Variants in ADCY1 observed in about 807,000 individuals in gnomAD.
ADCY1 encodes the protein adenylate cyclase type 1.
In ADCY1, 28 loss-of-function variants were observed where a neutral mutation model predicts 105.4. That is an observed-to-expected ratio of 0.27 (90% CI 0.20 to 0.36). The LOEUF is 0.36. Among genes scored for constraint, ADCY1 ranks in the 10% least tolerant of loss-of-function variants. The pLI, the probability that ADCY1 is intolerant of heterozygous loss-of-function variation, is 1.00. For synonymous variants in ADCY1, 655 were observed against 623.8 expected (o/e 1.05, Z -0.75); for missense variants, 977 against 1,434.2 (o/e 0.68, Z 5.15).
Position 45,675,699 on chromosome 7 carries a change from G to A in ADCY1, c.1606-2170G>A, listed in dbSNP as rs757540085. The stretch of plus-strand genomic sequence containing the variant: ...TTCCCACTTTTTTCTGGCTTCCATG[G>A]TTTCTGAAGAAATGATGCTATCATT... On this transcript the variant is annotated intron_variant, in intron 8 of 19. Coordinates refer to ENST00000297323, the MANE Select transcript of ADCY1 (RefSeq NM_021116.4). Among the ~76,000 whole-genome samples the A allele has an allele frequency of 5.9e-5, 9 of 151,868 alleles. No homozygotes were observed. In the South Asian group the frequency reaches 8.3e-4, roughly 14 times the overall value.
intron 14 of ADCY1, among the ~76,000 whole-genome samples, chr7:45,702,400 G>T (rs932656127): frequency 2.0e-5 from 3 of 152,242 alleles, no homozygotes; most frequent in Non-Finnish European, 4.4e-5. Flanking sequence ...TGAACCAGGG[G>T]AGCTGGCTTC....
At position 45,622,758 on chromosome 7, in the gene ADCY1, T is replaced by C; in HGVS notation, c.1020+15T>C. The stretch of plus-strand genomic sequence containing the variant: ...AATTAGCCACGGTAAGTGCAGCGTT[T>C]TTCTTTGTTCGAATTAAATTAGAAT... On this transcript the variant is annotated intron_variant, in intron 4 of 19. Transcript: ENST00000297323. 2 of 1,600,500 alleles carry C rather than the reference T, an allele frequency of 1.2e-6. No individual in the cohort carries two copies. Among genetic ancestry groups the C allele is most frequent in the Non-Finnish European group, 1.7e-6 (2 of 1,171,318 alleles).
chr7:45,635,063 C>T (rs1794361980), intron 4 of ADCY1, among the ~76,000 whole-genome samples: 1 of 150,700 alleles, frequency 6.6e-6, no homozygotes, highest in Non-Finnish European at 1.5e-5. Flanking sequence ...GTGAATCCAT[C>T]TGGACCTGAT....
intron 8 of ADCY1, among the ~76,000 whole-genome samples, chr7:45,670,700 G>C (rs1394737376): frequency 6.6e-6 from 1 of 151,866 alleles, no homozygotes; most frequent in African/African-American, 2.4e-5. Flanking sequence ...CTGACCACAG[G>C]GAGGATCTGT....
At chr7:45,700,320 C>T (rs973603451) in intron 14 of ADCY1, among the ~76,000 whole-genome samples, 1 of 152,184 alleles carries the variant, frequency 6.6e-6, no homozygotes, top group Non-Finnish European at 1.5e-5. Flanking sequence ...TTCGTCCCGT[C>T]GGTGGCATGG....
At chr7:45,657,620 C>G in intron 5 of ADCY1, 107 bp from the exon 6 acceptor site, 6 of 1,230,450 alleles carry the variant, frequency 4.9e-6, no homozygotes, top group Non-Finnish European at 6.8e-6. Flanking sequence ...GCAGCAAGGA[C>G]AAGACCCAGT....
intron 14 of ADCY1, among the ~76,000 whole-genome samples, chr7:45,696,946 T>C (rs557130972): frequency 6.6e-6 from 1 of 152,274 alleles, no homozygotes; most frequent in African/African-American, 2.4e-5. Flanking sequence ...AAAGGAGTAA[T>C]TTATTCTAAT....
At chr7:45,634,899 A>C (rs1292544024) in intron 4 of ADCY1, among the ~76,000 whole-genome samples, 1 of 152,190 alleles carries the variant, frequency 6.6e-6, no homozygotes, top group Admixed American at 6.5e-5. Flanking sequence ...TTACTTAAAG[A>C]TATTAGTCTG....
At chr7:45,650,446 T>C (rs553498191) in intron 5 of ADCY1, among the ~76,000 whole-genome samples, 1 of 152,284 alleles carries the variant, frequency 6.6e-6, no homozygotes, top group South Asian at 2.1e-4. Context: ...AGGTGGATGC[T>C]TTAAGGAGAC....
Position 45,707,586 on chromosome 7 carries a change from C to T in ADCY1, c.2818-764C>T, listed in dbSNP as rs541218484. On this transcript the variant is annotated intron_variant, in intron 17 of 19. Transcript: ENST00000297323. ...GGCAGTGAAACTGTTGTATGTAATA[C>T]TGTCATAGTGGATAAATGTCATGCA... Among the ~76,000 whole-genome samples the T allele has an allele frequency of 1.3e-5, 2 of 152,294 alleles. 1 individual carries two copies. The highest frequency in any genetic ancestry group is 4.1e-4 in the South Asian group (2 of 4,826).
At chr7:45,645,878 T>C (rs1342899143) in intron 4 of ADCY1, among the ~76,000 whole-genome samples, 2 of 151,442 alleles carry the variant, frequency 1.3e-5, no homozygotes, top group Non-Finnish European at 2.9e-5. Context: ...GTGGCTCTTG[T>C]GGGCTCCCAG....
intron 19 of ADCY1, among the ~76,000 whole-genome samples, chr7:45,712,018 T>A (rs1258273145): frequency 8.9e-6 from 1 of 112,262 alleles, no homozygotes; most frequent in African/African-American, 4.0e-5. Context: ...ATATATATTT[T>A]ATATATTATA....
At chr7:45,610,757 TGTA>T (rs879009935) in intron 3 of ADCY1, among the ~76,000 whole-genome samples, 2 of 20,066 alleles carry the variant, frequency 1.0e-4, no homozygotes, top group Non-Finnish European at 2.1e-4. Flanking sequence ...ATGATGGAGG[TGTA>T]GAGGTGATAG....
chr7:45,671,822 T>C (rs183091074), intron 8 of ADCY1, among the ~76,000 whole-genome samples: 4 of 152,296 alleles, frequency 2.6e-5, no homozygotes, highest in Non-Finnish European at 4.4e-5. Flanking sequence ...CATGGTATAT[T>C]CTAGAAACGA....
chr7:45,591,003 T>G lies in ADCY1; in HGVS notation c.640-1756T>G, dbSNP rs1792900124. Among the ~76,000 whole-genome samples the G allele has an allele frequency of 6.6e-6, 1 of 152,206 alleles. No individual in the cohort carries two copies. The highest frequency in any genetic ancestry group is 1.5e-5 in the Non-Finnish European group (1 of 68,028). ...TGTCAGGCAGAGGATGGCTGTCAGCTGGAGCCCTGCAGATTCGTGTTCCTT... is the reference window on the plus strand; with the variant it reads ...TGTCAGGCAGAGGATGGCTGTCAGCGGGAGCCCTGCAGATTCGTGTTCCTT... On this transcript the variant is annotated intron_variant, in intron 1 of 19. Coordinates refer to ENST00000297323, the MANE Select transcript of ADCY1 (RefSeq NM_021116.4). This position sits in a 1 kb window ranked among gnomAD's most constrained non-coding sequence, Gnocchi z 4.1.
rs760880881 is a variant in ADCY1 at position 45,686,541 on chromosome 7, C to A, written c.2328-6C>A. On this transcript the variant is annotated splice_polypyrimidine_tract_variant and splice_region_variant and intron_variant, in intron 13 of 19. Transcript: ENST00000297323. The surrounding 1 kb of genome is among the most constrained non-coding windows in gnomAD (Gnocchi z 4.3). Reference sequence around the variant, plus strand: ...GACTTGGCTTTTCTTCCTCATCTTCCCCCAGGGGTGGTGCCGTCTCCGGGC... The same window carrying A: ...GACTTGGCTTTTCTTCCTCATCTTCACCCAGGGGTGGTGCCGTCTCCGGGC... 12 of 1,608,198 alleles carry A rather than the reference C, an allele frequency of 7.5e-6. No individual in the cohort carries two copies. The highest frequency in any genetic ancestry group is 1.0e-5 in the Non-Finnish European group (12 of 1,176,450).
At chr7:45,579,088 A>C (rs987800184) in intron 1 of ADCY1, among the ~76,000 whole-genome samples, 2 of 152,150 alleles carry the variant, frequency 1.3e-5, no homozygotes, top group Non-Finnish European at 2.9e-5. Flanking sequence ...TCTGGTTCAG[A>C]ACCATGGCTT....
chr7:45,584,353 G>A (rs551487549), intron 1 of ADCY1, among the ~76,000 whole-genome samples: 3 of 152,332 alleles, frequency 2.0e-5, no homozygotes, highest in Admixed American at 2.0e-4. Context: ...TGCTTCCGAT[G>A]GATGGGGAAT....
chr7:45,656,023 C>T (rs571533177), intron 5 of ADCY1, among the ~76,000 whole-genome samples: 50 of 151,890 alleles, frequency 3.3e-4, no homozygotes, highest in Middle Eastern at 3.4e-3. Context: ...CATGGTGGCT[C>T]ACACCTGTAA....
Sources: allele counts gnomAD v4.1 joint callset (sites outside exome capture counted in the v4.1 genomes callset), GRCh38; gene constraint gnomAD v4.1.1; non-coding constraint Gnocchi (gnomAD v3.1); transcripts MANE v1.5; gene names NCBI Gene and HGNC (gene_info 2026-07-23, HGNC 2026-07-21).